The following CTXND2 variants were observed in gnomAD, a reference collection of about 807,000 sequenced individuals.
CTXND2 encodes the protein cortexin domain containing 2.
At chr1:150,909,237 CAA>C (rs374506106) in intron 1 of CTXND2, among the ~76,000 whole-genome samples, 9 of 82,024 alleles carry the variant, frequency 1.1e-4, no homozygotes, top group African/African-American at 4.0e-4. Flanking sequence ...GACTCCTTCT[CAA>C]AAAAAAAAAA....
chr1:150,889,175 C>T (rs962541948), intron 1 of CTXND2, among the ~76,000 whole-genome samples: 1 of 151,892 alleles, frequency 6.6e-6, no homozygotes, highest in Non-Finnish European at 1.5e-5. Flanking sequence ...TCTGGGAAGC[C>T]GAAGCGGGCG....
intron 1 of CTXND2, among the ~76,000 whole-genome samples, chr1:150,905,325 G>C (rs1029953444): frequency 6.6e-6 from 1 of 151,838 alleles, no homozygotes; most frequent in Non-Finnish European, 1.5e-5. Context: ...TGTATTTTTA[G>C]TAGAGATGAG....
chr1:150,900,600 A>T (rs999396071), intron 1 of CTXND2, among the ~76,000 whole-genome samples: 1 of 152,136 alleles, frequency 6.6e-6, no homozygotes, highest in East Asian at 1.9e-4. Flanking sequence ...GTCAGCTGAG[A>T]TTGCTCCACT....
At chr1:150,903,115 A>G (rs376986112) in intron 1 of CTXND2, among the ~76,000 whole-genome samples, 27 of 152,134 alleles carry the variant, frequency 1.8e-4, no homozygotes, top group Non-Finnish European at 2.9e-4. Context: ...TGTAATTGAA[A>G]CAGAAATAGT....
At chr1:150,904,735 T>A (rs1669106801) in intron 1 of CTXND2, among the ~76,000 whole-genome samples, 1 of 152,208 alleles carries the variant, frequency 6.6e-6, no homozygotes, top group African/African-American at 2.4e-5. Context: ...TTTAAAATGG[T>A]TCCTTTTACT....
chr1:150,887,482 AG>A (rs1668788852), intron 1 of CTXND2, among the ~76,000 whole-genome samples, 169 bp downstream of exon 1: 1 of 152,046 alleles, frequency 6.6e-6, no homozygotes, highest in Admixed American at 6.6e-5. Flanking sequence ...TTTTAGAGGC[AG>A]GATCTTGCTA....
At chr1:150,889,164 C>T (rs979887546) in intron 1 of CTXND2, among the ~76,000 whole-genome samples, 1 of 152,020 alleles carries the variant, frequency 6.6e-6, no homozygotes, top group African/African-American at 2.4e-5. Flanking sequence ...AATCCCAGCA[C>T]TCTGGGAAGC....
chr1:150,901,416 A>G (rs942987396), intron 1 of CTXND2, among the ~76,000 whole-genome samples: 7 of 152,348 alleles, frequency 4.6e-5, no homozygotes, highest in Middle Eastern at 3.4e-3. Context: ...ATTCATGTGG[A>G]AACTCAGGGA....
At chr1:150,909,977 A>G (rs587596780) in intron 1 of CTXND2, among the ~76,000 whole-genome samples, 4 of 152,262 alleles carry the variant, frequency 2.6e-5, no homozygotes, top group East Asian at 1.9e-4. Context: ...CATTGTCAGG[A>G]TGGGATGATC....
chr1:150,903,903 A>T (rs1403738695), intron 1 of CTXND2: 1 of 630,416 alleles, frequency 1.6e-6, no homozygotes, highest in Non-Finnish European at 3.0e-6. Flanking sequence ...AATATGGGTG[A>T]TGTTGAGAAA....
chr1:150,898,929 A>T (rs2925739), intron 1 of CTXND2, among the ~76,000 whole-genome samples: 23,865 of 135,544 alleles, frequency 0.18, 2,339 homozygotes, highest in Non-Finnish European at 0.23. Context: ...TACAAAAAAA[A>T]AAATATATAT....
At chr1:150,887,510 C>T (rs1281440547) in intron 1 of CTXND2, among the ~76,000 whole-genome samples, 197 bp downstream of exon 1, 30 of 151,930 alleles carry the variant, frequency 2.0e-4, no homozygotes, top group Non-Finnish European at 8.8e-5. Context: ...CCAGACTGAA[C>T]TCAAACTCCT....
At chr1:150,909,436 A>G (rs1294339795) in intron 1 of CTXND2, among the ~76,000 whole-genome samples, 1 of 152,010 alleles carries the variant, frequency 6.6e-6, no homozygotes, top group Non-Finnish European at 1.5e-5. Flanking sequence ...GTGCACCTGT[A>G]GTCCCAGCTA....
At chr1:150,899,815 G>C (rs1466042644) in intron 1 of CTXND2, among the ~76,000 whole-genome samples, 1 of 152,176 alleles carries the variant, frequency 6.6e-6, no homozygotes, top group East Asian at 1.9e-4. Flanking sequence ...ACACCAGCCA[G>C]GTGTGATAGT....
At chr1:150,909,827 G>A (rs1245616441) in intron 1 of CTXND2, among the ~76,000 whole-genome samples, 1 of 152,128 alleles carries the variant, frequency 6.6e-6, no homozygotes, top group South Asian at 2.1e-4. Flanking sequence ...AGAGGAAACC[G>A]GAACTCAGTC....
intron 1 of CTXND2, among the ~76,000 whole-genome samples, chr1:150,902,128 G>A (rs898432414): frequency 4.0e-5 from 6 of 151,856 alleles, no homozygotes; most frequent in African/African-American, 1.5e-4. Context: ...TTGGCTGGGC[G>A]CCGTGGCTCA....
At chr1:150,909,780 A>G (rs1189219418) in intron 1 of CTXND2, among the ~76,000 whole-genome samples, 1 of 152,200 alleles carries the variant, frequency 6.6e-6, no homozygotes. Flanking sequence ...GATGACAGGT[A>G]TTGCCAAAGA....
At chr1:150,891,173 C>T (rs587615272) in intron 1 of CTXND2, among the ~76,000 whole-genome samples, 16 of 152,042 alleles carry the variant, frequency 1.1e-4, no homozygotes, top group African/African-American at 3.6e-4. Context: ...GCCTCATGTA[C>T]GCTACACATT....
intron 1 of CTXND2, among the ~76,000 whole-genome samples, chr1:150,908,397 G>A (rs2102603952): frequency 6.6e-6 from 1 of 152,234 alleles, no homozygotes; most frequent in African/African-American, 2.4e-5. Flanking sequence ...GTCAATGAGG[G>A]TTTCAATTAC....
Sources: allele counts gnomAD v4.1 joint callset (sites outside exome capture counted in the v4.1 genomes callset), GRCh38; gene constraint gnomAD v4.1.1; transcripts MANE v1.5; gene names NCBI Gene and HGNC (gene_info 2026-07-23, HGNC 2026-07-21).